MCTP1: variants seen among roughly 807,000 people sequenced by gnomAD.
MCTP1 encodes multiple C2 and transmembrane domain containing 1.
A neutral mutation model predicts 120.6 loss-of-function variants in MCTP1; 69 were observed. That is an observed-to-expected ratio of 0.57 (90% confidence interval 0.47 to 0.70). The LOEUF (loss-of-function observed/expected upper bound fraction) is 0.70. Ranked by LOEUF, MCTP1 falls within the 30% of genes least tolerant of loss-of-function variation. MCTP1 has a pLI of 0.00. For missense variants in MCTP1, 1,203 were observed against 1,248.8 expected (o/e 0.96, Z 0.55); for synonymous variants, 529 against 493.1 (o/e 1.07, Z -0.96).
At chr5:95,215,740 T>TA (rs1027897175) in intron 1 of MCTP1, among the ~76,000 whole-genome samples, 4 of 151,904 alleles carry the variant, frequency 2.6e-5, no homozygotes, top group Non-Finnish European at 4.4e-5. Context: ...AAGAATAGGG[T>TA]AAAAAAAATT....
chr5:95,094,941 G>A (rs1457423175), intron 1 of MCTP1, among the ~76,000 whole-genome samples: 3 of 105,028 alleles, frequency 2.9e-5, no homozygotes, highest in Admixed American at 1.9e-4. Context: ...CACATTTTTT[G>A]TTTTGCTTCC....
At chr5:95,177,512 AC>A (rs1251028621) in intron 1 of MCTP1, among the ~76,000 whole-genome samples, 2 of 152,262 alleles carry the variant, frequency 1.3e-5, no homozygotes, top group Non-Finnish European at 2.9e-5. Flanking sequence ...CATTAAAAAA[AC>A]ATTAAGCATT....
rs200952092 is a variant in MCTP1, at chr5:94,748,971, GA to G, written c.2610+30138del. On this transcript the variant is annotated intron_variant, in intron 19 of 22. Coordinates refer to ENST00000515393, the MANE Select transcript of MCTP1 (RefSeq NM_024717.7). ...AGATGAGCTGACACTAGAAGGTCAA[GA>G]AATACAGTTTTGTTTTGTTTTTTGA... Among the ~76,000 whole-genome samples, 442 of 152,338 alleles carry G rather than the reference GA, an allele frequency of 2.9e-3. 10 individuals carry two copies. The highest frequency in any genetic ancestry group is 0.022 in the Admixed American group (338 of 15,296).
intron 1 of MCTP1, among the ~76,000 whole-genome samples, chr5:95,097,919 A>G (rs1024885466): frequency 3.3e-5 from 5 of 152,310 alleles, no homozygotes; most frequent in African/African-American, 1.2e-4. Context: ...CACAGTAAGA[A>G]ATACATTATT....
At chr5:95,058,796 C>T (rs1748131836) in intron 1 of MCTP1, among the ~76,000 whole-genome samples, 1 of 152,034 alleles carries the variant, frequency 6.6e-6, no homozygotes, top group African/African-American at 2.4e-5. Context: ...GGGATAATTG[C>T]AAACAGGGTT....
chr5:94,969,653 G>A (rs1306134172), intron 2 of MCTP1, among the ~76,000 whole-genome samples: 1 of 152,032 alleles, frequency 6.6e-6, no homozygotes, highest in Non-Finnish European at 1.5e-5. Flanking sequence ...ATATATTGTG[G>A]GGACAGTTAA....
intron 1 of MCTP1, 92 bp downstream of exon 1, chr5:95,283,764 G>C: frequency 9.7e-7 from 1 of 1,032,996 alleles, no homozygotes; most frequent in Non-Finnish European, 1.3e-6. Context: ...CCCGCCTCCC[G>C]GCCCCCGCCC....
At chr5:94,996,867 C>G (rs1468317509) in intron 2 of MCTP1, among the ~76,000 whole-genome samples, 3 of 151,944 alleles carry the variant, frequency 2.0e-5, no homozygotes, top group Non-Finnish European at 4.4e-5. Context: ...TGACCATGGT[C>G]AATTATTTAA....
At chr5:94,826,555 C>A in intron 17 of MCTP1, 1 of 723,056 alleles carries the variant, frequency 1.4e-6, no homozygotes, top group South Asian at 1.4e-5. Flanking sequence ...ATAGAAGCTT[C>A]CTCCTTCCCT....
chr5:94,921,770 C>T (rs76995831), intron 7 of MCTP1, among the ~76,000 whole-genome samples: 4,885 of 152,214 alleles, frequency 0.032, 293 homozygotes, highest in African/African-American at 0.11. Context: ...TCTCATGGCT[C>T]TTAAACACAT....
intron 10 of MCTP1, among the ~76,000 whole-genome samples, chr5:94,908,321 C>T (rs915697060): frequency 1.3e-5 from 2 of 151,936 alleles, no homozygotes; most frequent in Admixed American, 1.3e-4. Context: ...CATCTTTGAC[C>T]TCTCACTATA....
chr5:95,166,985 T>C (rs1746481533), intron 1 of MCTP1, among the ~76,000 whole-genome samples: 1 of 151,920 alleles, frequency 6.6e-6, no homozygotes, highest in South Asian at 2.1e-4. Flanking sequence ...GTTACATATG[T>C]ATACATGTGC....
intron 1 of MCTP1, among the ~76,000 whole-genome samples, chr5:95,063,259 G>A (rs561567018): frequency 2.4e-4 from 36 of 152,298 alleles, no homozygotes; most frequent in African/African-American, 7.9e-4. Flanking sequence ...TGACTGTGCC[G>A]GGGAAAGCCA....
rs1170403359 is a variant in MCTP1, at chr5:94,894,629, G to T, written c.1839+20C>A. ...ATCTAGTCACATGTGTCTCTGGAAG[G>T]AGGAGGGTTACATACGTACATATCT... On this transcript the variant is annotated intron_variant, in intron 11 of 22. Transcript: ENST00000515393. The T allele has an allele frequency of 6.5e-7, 1 of 1,531,366 alleles. No individual in the cohort carries two copies. The highest frequency in any genetic ancestry group is 8.9e-7 in the Non-Finnish European group (1 of 1,121,132). The allele number at this position is 1,531,366 out of a possible 1,614,324, so 94.9% of individuals were successfully genotyped here.
At chr5:95,105,174 G>T (rs1756997388) in intron 1 of MCTP1, among the ~76,000 whole-genome samples, 1 of 152,140 alleles carries the variant, frequency 6.6e-6, no homozygotes, top group Non-Finnish European at 1.5e-5. Context: ...CTGTAGAGCT[G>T]GGATTGAACC....
intron 17 of MCTP1, among the ~76,000 whole-genome samples, chr5:94,866,546 CTT>C (rs5869653): frequency 1.7e-3 from 215 of 129,882 alleles, no homozygotes; most frequent in Middle Eastern, 3.8e-3. Context: ...CTGATTCCCT[CTT>C]TTTTTTTTTT....
chr5:94,996,172 T>C (rs1450000172), intron 2 of MCTP1, among the ~76,000 whole-genome samples: 1 of 152,152 alleles, frequency 6.6e-6, no homozygotes, highest in African/African-American at 2.4e-5. Flanking sequence ...GTAAATCAAA[T>C]TTATTTTCTG....
At chr5:94,920,137 G>A (rs900562828) in intron 7 of MCTP1, among the ~76,000 whole-genome samples, 4 of 152,012 alleles carry the variant, frequency 2.6e-5, no homozygotes, top group Admixed American at 6.6e-5. Context: ...CTTTTACTAC[G>A]TTTGTTCGAA....
chr5:94,921,889 T>C (rs1202017794), intron 7 of MCTP1, among the ~76,000 whole-genome samples: 2 of 152,226 alleles, frequency 1.3e-5, no homozygotes, highest in Admixed American at 6.5e-5. Flanking sequence ...GCTTTATTTA[T>C]ACAAGGTATT....
Sources: gnomAD v4.1 joint callset for allele counts (sites outside exome capture counted in the v4.1 genomes callset) on GRCh38, gnomAD v4.1.1 for gene constraint, MANE v1.5 for transcripts, NCBI Gene and HGNC (gene_info 2026-07-23, HGNC 2026-07-21) for gene names.